The following CHST4 variants were observed in gnomAD, a reference collection of about 807,000 sequenced individuals.
CHST4 encodes the protein carbohydrate sulfotransferase 4, also known as GST-3.
For missense variants in CHST4, 466 were observed against 506.0 expected (o/e 0.92, Z 0.76); for synonymous variants, 171 against 195.5 (o/e 0.87, Z 1.05).
At chr16:71,527,933 CA>C (rs1290132793) in intron 1 of CHST4, among the ~76,000 whole-genome samples, 1 of 152,008 alleles carries the variant, frequency 6.6e-6, no homozygotes, top group Non-Finnish European at 1.5e-5. Context: ...TATGATGAGG[CA>C]TGTTAGATCC....
intron 1 of CHST4, among the ~76,000 whole-genome samples, chr16:71,532,048 G>GTTTTTTT (rs71153643): frequency 7.6e-6 from 1 of 131,190 alleles, no homozygotes. Flanking sequence ...TGGTCCTGTT[G>GTTTTTTT]TTTTTTTTTT....
intron 1 of CHST4, among the ~76,000 whole-genome samples, chr16:71,530,260 G>A (rs1019979935): frequency 2.0e-5 from 3 of 152,160 alleles, no homozygotes; most frequent in Admixed American, 6.5e-5. Flanking sequence ...TAGCTGTCCT[G>A]CAAAAATCTC....
In CHST4 at chr16:71,537,103, A is replaced by G; in HGVS notation, c.426A>G (p.Pro142=). ...LCSAPACDII[P]QDEIIPRAHC... is the part of the protein sequence containing the mutation. The stretch of plus-strand genomic sequence containing the variant: ...CTGCACCTGCCTGTGACATCATCCC[A>G]CAAGATGAAATCATCCCCCGGGCTC... Residue 142 remains proline (P), a synonymous_variant, in exon 2 of 2, where the codon CCA becomes CCG. Coordinates refer to ENST00000539698, the MANE Select transcript of CHST4 (RefSeq NM_001166395.2). The surrounding 1 kb of genome is among the most constrained non-coding windows in gnomAD (Gnocchi z 4.2). 6.2e-7 allele frequency: 1 copy of G among 1,614,132 alleles called. No homozygotes were observed. The highest frequency in any genetic ancestry group is 8.5e-7 in the Non-Finnish European group (1 of 1,180,012).
chr16:71,537,575 C>A lies in CHST4; in HGVS notation c.898C>A (p.Pro300Thr). The A allele has an allele frequency of 6.2e-7, 1 of 1,614,148 alleles. No individual in the cohort carries two copies. Among genetic ancestry groups the A allele is most frequent in the East Asian group, 2.2e-5 (1 of 44,882 alleles). ...MYEFVGLEFL[P>T]HLQTWVHNIT... Reference sequence around the variant, plus strand: ...TGAATTCGTGGGATTGGAATTCTTGCCCCATCTTCAGACCTGGGTGCATAA... The same window carrying A: ...TGAATTCGTGGGATTGGAATTCTTGACCCATCTTCAGACCTGGGTGCATAA... The change falls in exon 2 of 2, where the codon CCC (proline) becomes ACC (threonine). Residue 300 changes from proline to threonine, a missense_variant. Coordinates refer to ENST00000539698, the MANE Select transcript of CHST4 (RefSeq NM_001166395.2). The surrounding 1 kb of genome is among the most constrained non-coding windows in gnomAD (Gnocchi z 4.2).
Position 71,538,111 on chromosome 16 carries a change from C to A in CHST4, c.*273C>A. On this transcript the variant is annotated 3_prime_UTR_variant, in exon 2 of 2. Coordinates refer to ENST00000539698, the MANE Select transcript of CHST4 (RefSeq NM_001166395.2). ...TTCTTGATCTTCCTGTCTGGGCAGACTTCAGAGACTTTGTGGCCTGGAGGC... is the reference window on the plus strand; with the variant it reads ...TTCTTGATCTTCCTGTCTGGGCAGAATTCAGAGACTTTGTGGCCTGGAGGC... 2.1e-6 allele frequency: 1 copy of A among 474,604 alleles called. No individual in the cohort carries two copies. The highest frequency in any genetic ancestry group is 3.9e-5 in the Admixed American group (1 of 25,500). 29.4% of individuals were successfully genotyped at this position (474,604 alleles called of 1,614,324 possible).
chr16:71,529,541 C>CTCTTTT (rs1217192011), intron 1 of CHST4, among the ~76,000 whole-genome samples: 1 of 58,752 alleles, frequency 1.7e-5, no homozygotes, highest in Admixed American at 1.9e-4. Context: ...CCATGCTCAT[C>CTCTTTT]TATTTTTTTT....
rs768602346 is a variant in CHST4 at position 71,537,395 on chromosome 16, G to A, written c.718G>A (p.Asp240Asn). 10 of 1,614,054 alleles carry A rather than the reference G, an allele frequency of 6.2e-6. No individual in the cohort carries two copies. The South Asian group carries it at 9.9e-5, about 16-fold the overall frequency. Reference protein sequence around the residue: ...GQHEQKLKKEDQPYYVMQVIC... With the variant: ...GQHEQKLKKENQPYYVMQVIC... ...GCATGAGCAAAAACTCAAGAAGGAG[G>A]ACCAACCCTACTATGTGATGCAGGT... Residue 240 changes from aspartate (D) to asparagine (N), a missense_variant, in exon 2 of 2, where the codon GAC (aspartate) becomes AAC (asparagine). Asp to Asn is a conservative substitution (Grantham distance 23, BLOSUM62 1). Coordinates refer to ENST00000539698, the MANE Select transcript of CHST4 (RefSeq NM_001166395.2). The surrounding 1 kb of genome is among the most constrained non-coding windows in gnomAD (Gnocchi z 4.2).
chr16:71,536,629 C>G, intron 1 of CHST4, 31 bp from the exon 2 acceptor site: 1 of 1,362,424 alleles, frequency 7.3e-7, no homozygotes, highest in Non-Finnish European at 9.5e-7. Context: ...AACAGCAGCC[C>G]AACTCCACCC....
At chr16:71,526,604 G>C (rs1273146554) in intron 1 of CHST4, 109 bp downstream of exon 1, 2 of 152,178 alleles carry the variant, frequency 1.3e-5, no homozygotes, top group Non-Finnish European at 2.9e-5. Context: ...TTACAGTGGC[G>C]AAGGCGGTTT....
At position 71,538,004 on chromosome 16, in the gene CHST4, T is replaced by C; in HGVS notation, c.*166T>C. The C allele has an allele frequency of 1.5e-6, 1 of 653,588 alleles. No individual in the cohort carries two copies. The highest frequency in any genetic ancestry group is 2.7e-6 in the Non-Finnish European group (1 of 374,616). 40.5% of individuals were successfully genotyped at this position (653,588 alleles called of 1,614,324 possible). On this transcript the variant is annotated 3_prime_UTR_variant, in exon 2 of 2. Transcript: ENST00000539698. The stretch of plus-strand genomic sequence containing the variant: ...TCAAGCAGAAGGACTTTTGTGTCCA[T>C]GCTTGTGTCTAGAAAACAGACTGGG...
chr16:71,527,470 G>A (rs1046795967), intron 1 of CHST4, among the ~76,000 whole-genome samples: 4 of 152,220 alleles, frequency 2.6e-5, no homozygotes, highest in Non-Finnish European at 5.9e-5. Context: ...CATCTAGCCA[G>A]GCGCGATGGC....
Position 71,536,784 on chromosome 16 carries a change from T to C in CHST4, c.107T>C (p.Met36Thr), listed in dbSNP as rs746315825. 4.6e-6 allele frequency: 7 copies of C among 1,516,080 alleles called. No individual in the cohort carries two copies. The highest frequency in any genetic ancestry group is 2.3e-5 in the East Asian group (1 of 43,910). 93.9% of individuals were successfully genotyped at this position (1,516,080 alleles called of 1,614,324 possible). A position where few individuals can be genotyped will look rare whatever the true frequency, so the allele number is the denominator to read the frequency against. ...AGCCACAACATCAGCTCCCTGTCTA[T>C]GAAGGCACAGCCCGAGCGCATGCAC... ...MYSHNISSLS[M>T]KAQPERMHVL... Residue 36 changes from methionine to threonine, a missense_variant, in exon 2 of 2, where the codon ATG becomes ACG. Met to Thr is a moderately conservative substitution (Grantham distance 81). Coordinates refer to ENST00000539698, the MANE Select transcript of CHST4 (RefSeq NM_001166395.2).
chr16:71,537,379 A>G lies in CHST4; in HGVS notation c.702A>G (p.Gln234=), dbSNP rs117753658. 0.015 allele frequency: 24,084 copies of G among 1,614,146 alleles called. 249 individuals are homozygous for G. Among genetic ancestry groups the G allele is most frequent in the Non-Finnish European group, 0.018 (21,715 of 1,180,032 alleles). Residue 234 remains glutamine, a synonymous_variant, in exon 2 of 2, where the codon CAA becomes CAG. Transcript: ENST00000539698. This position sits in a 1 kb window ranked among gnomAD's most constrained non-coding sequence, Gnocchi z 4.2. ...DSRIVMGQHE[Q]KLKKEDQPYY... ...GCATTGTGATGGGGCAGCATGAGCA[A>G]AAACTCAAGAAGGAGGACCAACCCT...
At chr16:71,529,543 A>ATTTTTTTTTTTTTTTTTTTT (rs1157747412) in intron 1 of CHST4, among the ~76,000 whole-genome samples, 1 of 41,328 alleles carries the variant, frequency 2.4e-5, no homozygotes. Flanking sequence ...ATGCTCATCT[A>ATTTTTTTTTTTTTTTTTTTT]TTTTTTTTTT....
At chr16:71,532,049 T>TC (rs1428955740) in intron 1 of CHST4, among the ~76,000 whole-genome samples, 12 of 29,518 alleles carry the variant, frequency 4.1e-4, no homozygotes, top group African/African-American at 1.8e-3. Context: ...GGTCCTGTTG[T>TC]TTTTTTTTTT....
chr16:71,533,683 T>C (rs944296520), intron 1 of CHST4, among the ~76,000 whole-genome samples: 1 of 152,144 alleles, frequency 6.6e-6, no homozygotes, highest in African/African-American at 2.4e-5. Context: ...TGTTTACAAA[T>C]AGCTCTAGAA....
rs2145207778 is a variant in CHST4, at chr16:71,536,732, A to G, written c.55A>G (p.Ile19Val). The G allele has an allele frequency of 6.7e-7, 1 of 1,497,706 alleles. No homozygotes were observed. The highest frequency in any genetic ancestry group is 1.4e-5 in the South Asian group (1 of 69,452). The allele number at this position is 1,497,706 out of a possible 1,614,324, so 92.8% of individuals were successfully genotyped here. A position where few individuals can be genotyped will look rare whatever the true frequency, so the allele number is the denominator to read the frequency against. Residue 19 changes from isoleucine (I) to valine (V), a missense_variant, in exon 2 of 2, where the codon ATC (isoleucine) becomes GTC (valine). Physicochemically the swap from Ile to Val is conservative, Grantham distance 29. Transcript: ENST00000539698. ...GCTGTTTCTGGTTTCCCAGATGGCC[A>G]TCTTGGCTCTATTCTTCCACATGTA... ...LLLFLVSQMA[I>V]LALFFHMYSH... is the part of the protein sequence containing the mutation.
chr16:71,536,717 G>T lies in CHST4; in HGVS notation c.40G>T (p.Val14Phe). Residue 14 changes from valine (V) to phenylalanine (F), a missense_variant, in exon 2 of 2, where the codon GTT becomes TTT. By Grantham distance (50) the Val-to-Phe change is conservative. Transcript: ENST00000539698. ...PKKMKLLLFL[V>F]SQMAILALFF... Reference sequence around the variant, plus strand: ...AAAAATGAAGCTCCTGCTGTTTCTGGTTTCCCAGATGGCCATCTTGGCTCT... The same window carrying T: ...AAAAATGAAGCTCCTGCTGTTTCTGTTTTCCCAGATGGCCATCTTGGCTCT... 1 of 1,493,654 alleles carries T rather than the reference G, an allele frequency of 6.7e-7. No homozygotes were observed. Among genetic ancestry groups the T allele is most frequent in the Non-Finnish European group, 8.9e-7 (1 of 1,122,756 alleles). 92.5% of individuals were successfully genotyped at this position (1,493,654 alleles called of 1,614,324 possible).
chr16:71,537,577 C>A lies in CHST4; in HGVS notation c.900C>A (p.Pro300=). 6.2e-7 allele frequency: 1 copy of A among 1,614,158 alleles called. No homozygotes were observed. The highest frequency in any genetic ancestry group is 1.3e-5 in the African/African-American group (1 of 75,056). The change falls in exon 2 of 2, where the codon CCC becomes CCA. Residue 300 remains proline (P), a synonymous_variant. Coordinates refer to ENST00000539698, the MANE Select transcript of CHST4 (RefSeq NM_001166395.2). The surrounding 1 kb of genome is among the most constrained non-coding windows in gnomAD (Gnocchi z 4.2). ...AATTCGTGGGATTGGAATTCTTGCC[C>A]CATCTTCAGACCTGGGTGCATAACA... ...MYEFVGLEFL[P]HLQTWVHNIT...
Sources: gnomAD v4.1 joint callset for allele counts (sites outside exome capture counted in the v4.1 genomes callset) on GRCh38, gnomAD v4.1.1 for gene constraint, Gnocchi (gnomAD v3.1) non-coding constraint, MANE v1.5 for transcripts, NCBI Gene and HGNC (gene_info 2026-07-23, HGNC 2026-07-21) for gene names.